CD163L1: variants seen among roughly 807,000 people sequenced by gnomAD.
CD163L1 encodes the protein CD163 molecule like 1, also known as scavenger receptor cysteine-rich type 1 protein M160.
In CD163L1, 124 loss-of-function variants were observed where a neutral mutation model predicts 165.4. The observed-to-expected ratio is 0.75, with a 90% confidence interval of 0.65 to 0.87. The LOEUF is 0.87. CD163L1 is among the 40% of genes least tolerant of loss of function. The pLI is 0.00. For missense variants in CD163L1, 1,525 were observed against 1,799.9 expected (o/e 0.85, Z 2.76); for synonymous variants, 585 against 662.2 (o/e 0.88, Z 1.79).
rs1947817515 is a variant in CD163L1 at position 7,398,154 on chromosome 12, T to C, written c.1729+110A>G. On this transcript the variant is annotated intron_variant, in intron 7 of 19. Transcript: ENST00000313599. The surrounding 1 kb of genome is among the most constrained non-coding windows in gnomAD (Gnocchi z 4.5). ...AAGTCTAATTTAAAGACAAGAGTCA[T>C]GGCCCCTCAATCAATTCCCACATGT... 2.2e-5 allele frequency: 20 copies of C among 894,064 alleles called. No homozygotes were observed. Among genetic ancestry groups the C allele is most frequent in the Non-Finnish European group, 3.4e-5 (20 of 583,710 alleles). 55.4% of individuals were successfully genotyped at this position (894,064 alleles called of 1,614,324 possible).
At chr12:7,321,712 C>A in the CD163L1 span, among the ~76,000 whole-genome samples, 1 of 152,178 alleles carries the variant, frequency 6.6e-6, no homozygotes, top group Non-Finnish European at 1.5e-5. Flanking sequence ...TCACCTGTGT[C>A]CAGTAAGGCT....
Position 7,406,825 on chromosome 12 carries a change from A to G in CD163L1, c.794T>C (p.Val265Ala), listed in dbSNP as rs1239063933. 1.2e-6 allele frequency: 2 copies of G among 1,614,034 alleles called. No individual in the cohort carries two copies. The highest frequency in any genetic ancestry group is 4.5e-5 in the East Asian group (2 of 44,876). ...YDSSDLELRL[V>A]GGTNRCMGRV... is the part of the protein sequence containing the mutation. ...CCCCATACAGCGGTTAGTTCCACCT[A>G]CAAGCCTTAGTTCAAGATCACTACT... The change falls in exon 5 of 20, where the codon GTA (valine) becomes GCA (alanine). Residue 265 changes from valine to alanine, a missense_variant. Val to Ala is a moderately conservative substitution (Grantham distance 64). Coordinates refer to ENST00000313599, the MANE Select transcript of CD163L1 (RefSeq NM_174941.6).
chr12:7,348,777 G>A (rs1369075906), intron 4 of CD163L1, among the ~76,000 whole-genome samples: 1 of 150,010 alleles, frequency 6.7e-6, no homozygotes, highest in Admixed American at 6.7e-5. Flanking sequence ...AGGAAAGCTG[G>A]AAGGCCCTCA....
intron 8 of CD163L1, among the ~76,000 whole-genome samples, chr12:7,387,516 T>G (rs986835069): frequency 2.6e-5 from 4 of 152,202 alleles, no homozygotes; most frequent in African/African-American, 9.7e-5. Flanking sequence ...GGTGGATTGC[T>G]CATAATTGAC....
At chr12:7,367,446 G>T in intron 17 of CD163L1, 115 bp from the exon 18 acceptor site, 2 of 537,614 alleles carry the variant, frequency 3.7e-6, no homozygotes, top group Non-Finnish European at 6.6e-6. Flanking sequence ...AAATCCAATG[G>T]CTCTTTCAGC....
chr12:7,373,587 TCCC>T lies in CD163L1; in HGVS notation c.3460_3462del (p.Gly1154del). 6.2e-7 allele frequency: 1 copy of T among 1,613,402 alleles called. No individual in the cohort carries two copies. The highest frequency in any genetic ancestry group is 8.5e-7 in the Non-Finnish European group (1 of 1,179,518). On this transcript the variant is annotated inframe_deletion, in exon 14 of 20. Transcript: ENST00000313599. The stretch of plus-strand genomic sequence containing the variant: ...GTCCCGTTATAGAAGACTTCCAATC[TCCC>T]AGCACAGCTCTCTGTTTCAGTTTCA...
chr12:7,409,403 G>T (rs888497005), intron 4 of CD163L1, among the ~76,000 whole-genome samples: 13 of 152,000 alleles, frequency 8.6e-5, no homozygotes. Context: ...CACGGGGGTC[G>T]GGGGGAATGG....
At position 7,411,793 on chromosome 12, in the gene CD163L1, A is replaced by G. The variant is rs149290009; in HGVS notation, c.767-4941T>C. 2.7e-4 allele frequency among the ~76,000 whole-genome samples: 41 copies of G among 152,362 alleles called. 1 individual carries two copies. Among genetic ancestry groups the G allele is most frequent in the Admixed American group, 7.8e-4 (12 of 15,298 alleles). Reference sequence around the variant, plus strand: ...CCAACCATAGTGTTTGCATACCCATAGAGCTGATTTATCTCCAAAGCAGGA... The same window carrying G: ...CCAACCATAGTGTTTGCATACCCATGGAGCTGATTTATCTCCAAAGCAGGA... On this transcript the variant is annotated intron_variant, in intron 4 of 19. Transcript: ENST00000313599.
intron 5 of CD163L1, among the ~76,000 whole-genome samples, chr12:7,406,152 A>C (rs1948010342): frequency 6.6e-6 from 1 of 152,196 alleles, no homozygotes; most frequent in Admixed American, 6.6e-5. Flanking sequence ...AGAAAAATAT[A>C]GTTGTGTCTA....
At chr12:7,323,457 A>G in the CD163L1 span, 10 of 1,613,470 alleles carry the variant, frequency 6.2e-6, no homozygotes, top group Admixed American at 3.3e-5. Context: ...CTTTCATTCC[A>G]GATTATAGAT....
intron 19 of CD163L1, among the ~76,000 whole-genome samples, chr12:7,356,918 C>T (rs1313493878): frequency 2.6e-5 from 4 of 152,088 alleles, no homozygotes; most frequent in Admixed American, 6.6e-5. Flanking sequence ...GACAAAGCCA[C>T]CTACGTTTAA....
the CD163L1 span, chr12:7,328,309 C>A: frequency 6.3e-7 from 1 of 1,590,458 alleles, no homozygotes; most frequent in South Asian, 1.2e-5. Flanking sequence ...CAAGAACTCC[C>A]AAAGACAATC....
At chr12:7,399,871 C>T (rs1184190050) in intron 6 of CD163L1, among the ~76,000 whole-genome samples, 2 of 152,114 alleles carry the variant, frequency 1.3e-5, no homozygotes, top group African/African-American at 4.8e-5. Context: ...GGGTTACAGG[C>T]GTCAGCCACC....
chr12:7,319,407 T>C, the CD163L1 span, among the ~76,000 whole-genome samples: 2 of 151,898 alleles, frequency 1.3e-5, no homozygotes, highest in African/African-American at 2.4e-5. Flanking sequence ...CTGGCCAAGA[T>C]GGTGAAACCT....
At position 7,373,632 on chromosome 12, in the gene CD163L1, C is replaced by A; in HGVS notation, c.3418G>T (p.Ala1140Ser). 1 of 1,588,884 alleles carries A rather than the reference C, an allele frequency of 6.3e-7. No homozygotes were observed. Among genetic ancestry groups the A allele is most frequent in the Non-Finnish European group, 8.6e-7 (1 of 1,164,796 alleles). Residue 1140 changes from alanine (A) to serine (S), a missense_variant, in exon 14 of 20, where the codon GCC becomes TCC. Ala to Ser is a moderately conservative substitution (Grantham distance 99). Coordinates refer to ENST00000313599, the MANE Select transcript of CD163L1 (RefSeq NM_174941.6). ...TCAGTTTCACTGTAGAGCCTCAAGG[C>A]TGTGAATTCTACAGAGAAATACAAA... The part of the protein sequence containing the change: ...DAGVICSEFT[A>S]LRLYSETETE...
At chr12:7,394,256 TG>T (rs1222385885) in intron 8 of CD163L1, among the ~76,000 whole-genome samples, 1 of 151,752 alleles carries the variant, frequency 6.6e-6, no homozygotes, top group Non-Finnish European at 1.5e-5. Context: ...TATAGACAAA[TG>T]GAACAGAACA....
chr12:7,396,113 C>A lies in CD163L1; in HGVS notation c.2032G>T (p.Val678Phe). 1 of 1,613,104 alleles carries A rather than the reference C, an allele frequency of 6.2e-7. No individual in the cohort carries two copies. The highest frequency in any genetic ancestry group is 8.5e-7 in the Non-Finnish European group (1 of 1,179,474). The stretch of plus-strand genomic sequence containing the variant: ...ATCTTACCAGAACAGATCACTCCAA[C>A]ATCTTCACTGTGACTGCAGTCATTA... ...GNNDCSHSED[V>F]GVICSDASDM... Residue 678 changes from valine to phenylalanine, a missense_variant, in exon 8 of 20, where the codon GTT becomes TTT. Physicochemically the swap from Val to Phe is conservative, Grantham distance 50 (BLOSUM62 -1). Coordinates refer to ENST00000313599, the MANE Select transcript of CD163L1 (RefSeq NM_174941.6).
At chr12:7,327,016 C>T in the CD163L1 span, 5 of 1,612,632 alleles carry the variant, frequency 3.1e-6, no homozygotes, top group Non-Finnish European at 4.2e-6. Flanking sequence ...CCCTTTAAGT[C>T]CTACAACCCA....
downstream of CD163L1, among the ~76,000 whole-genome samples, chr12:7,342,156 T>C (rs900065414): frequency 6.6e-6 from 1 of 152,160 alleles, no homozygotes; most frequent in African/African-American, 2.4e-5. Flanking sequence ...CAACTGGCCA[T>C]AAACAAAATC....
Sources: gnomAD v4.1 joint callset for allele counts (sites outside exome capture counted in the v4.1 genomes callset) on GRCh38, gnomAD v4.1.1 for gene constraint, Gnocchi (gnomAD v3.1) non-coding constraint, MANE v1.5 for transcripts, NCBI Gene and HGNC (gene_info 2026-07-23, HGNC 2026-07-21) for gene names.